Variants in DNAJC5B observed in about 807,000 individuals in gnomAD.
DNAJC5B encodes DnaJ heat shock protein family (Hsp40) member C5 beta, also known as dnaJ homolog subfamily C member 5B.
Under a neutral mutation model 24.7 loss-of-function variants are expected in DNAJC5B, and 23 were observed. The observed-to-expected ratio is 0.93, with a 90% CI of 0.67 to 1.32. DNAJC5B has a LOEUF of 1.32. Ranked by LOEUF, DNAJC5B falls within the 40% of genes most tolerant of loss-of-function variation. The pLI is 0.00. For synonymous variants in DNAJC5B, 101 were observed against 90.1 expected (o/e 1.12, Z -0.68); for missense variants, 238 against 240.8 (o/e 0.99, Z 0.08).
At chr8:66,072,580 CA>C (rs1244386813) in intron 3 of DNAJC5B, among the ~76,000 whole-genome samples, 3 of 151,918 alleles carry the variant, frequency 2.0e-5, no homozygotes, top group African/African-American at 7.3e-5. Flanking sequence ...TGTTAAAGAG[CA>C]AAATTTTTAA....
chr8:66,027,260 A>G (rs933766582), intron 1 of DNAJC5B, among the ~76,000 whole-genome samples: 3 of 152,242 alleles, frequency 2.0e-5, no homozygotes, highest in African/African-American at 7.2e-5. Context: ...TGATTTACAA[A>G]ACCAGCTTCC....
At chr8:66,045,917 T>C (rs1471375217) in intron 2 of DNAJC5B, among the ~76,000 whole-genome samples, 1 of 152,162 alleles carries the variant, frequency 6.6e-6, no homozygotes, top group Non-Finnish European at 1.5e-5. Context: ...CAGACATTGG[T>C]GTACCCAGTA....
chr8:66,053,136 C>T (rs1806887716), intron 3 of DNAJC5B, among the ~76,000 whole-genome samples: 1 of 151,610 alleles, frequency 6.6e-6, no homozygotes, highest in African/African-American at 2.4e-5. Flanking sequence ...TGGGATCTTG[C>T]TTTGTTTTCC....
intron 1 of DNAJC5B, among the ~76,000 whole-genome samples, chr8:66,027,252 A>G (rs1806265491): frequency 6.6e-6 from 1 of 152,202 alleles, no homozygotes; most frequent in Non-Finnish European, 1.5e-5. Flanking sequence ...AGATTCATTG[A>G]TTTACAAAAC....
At chr8:66,074,754 G>A (rs1444275280) in intron 3 of DNAJC5B, among the ~76,000 whole-genome samples, 2 of 152,166 alleles carry the variant, frequency 1.3e-5, no homozygotes, top group African/African-American at 2.4e-5. Flanking sequence ...GGCATTGCAC[G>A]ACCACCTCCT....
chr8:66,093,298 CT>C (rs1197864238), intron 5 of DNAJC5B, among the ~76,000 whole-genome samples: 1 of 152,134 alleles, frequency 6.6e-6, no homozygotes, highest in Non-Finnish European at 1.5e-5. Flanking sequence ...ACTTGTACAA[CT>C]TATTAGGTAA....
chr8:66,091,835 G>T (rs578203358), intron 5 of DNAJC5B, among the ~76,000 whole-genome samples: 1 of 152,264 alleles, frequency 6.6e-6, no homozygotes, highest in African/African-American at 2.4e-5. Context: ...CCGTAAAAAG[G>T]AATGAGGTAC....
chr8:66,076,993 A>T, intron 4 of DNAJC5B, 120 bp downstream of exon 4: 1 of 999,756 alleles, frequency 1.0e-6, no homozygotes. Context: ...AAATAAAAGG[A>T]GATATTGCTT....
chr8:66,023,175 G>C (rs1349139450), intron 1 of DNAJC5B, among the ~76,000 whole-genome samples: 3 of 152,138 alleles, frequency 2.0e-5, no homozygotes, highest in Non-Finnish European at 4.4e-5. Flanking sequence ...TTAGTGCTGG[G>C]GACTAAAGTT....
intron 2 of DNAJC5B, among the ~76,000 whole-genome samples, chr8:66,044,976 T>C (rs552035905): frequency 6.6e-6 from 1 of 152,314 alleles, no homozygotes; most frequent in Non-Finnish European, 1.5e-5. Context: ...AAGGAAGAGA[T>C]TTTATGTTAT....
intron 1 of DNAJC5B, among the ~76,000 whole-genome samples, chr8:66,028,136 A>T (rs547833355): frequency 6.6e-6 from 1 of 152,222 alleles, no homozygotes; most frequent in East Asian, 1.9e-4. Flanking sequence ...GCAGGTCAGC[A>T]CTGGGACTTG....
chr8:66,055,356 T>C (rs1739268967), intron 3 of DNAJC5B, among the ~76,000 whole-genome samples: 2 of 152,186 alleles, frequency 1.3e-5, no homozygotes, highest in African/African-American at 2.4e-5. Context: ...AGTCACAATA[T>C]AGTGAATTAA....
At chr8:66,016,307 G>A in the DNAJC5B span, among the ~76,000 whole-genome samples, 4 of 152,292 alleles carry the variant, frequency 2.6e-5, no homozygotes, top group Admixed American at 6.5e-5. Flanking sequence ...GGAGGGATCC[G>A]GTGGGAAGTG....
At chr8:66,067,717 C>G (rs117022097) in intron 3 of DNAJC5B, among the ~76,000 whole-genome samples, 6,361 of 152,256 alleles carry the variant, frequency 0.042, 183 homozygotes, top group Non-Finnish European at 0.062. Context: ...GTTCCCCAGA[C>G]AGCAGCCCTA....
At chr8:66,053,741 T>G (rs922233038) in intron 3 of DNAJC5B, among the ~76,000 whole-genome samples, 1 of 152,116 alleles carries the variant, frequency 6.6e-6, no homozygotes, top group African/African-American at 2.4e-5. Context: ...GCAATTCTCC[T>G]GCTTCGGTCT....
At chr8:66,091,953 T>TA (rs1807857804) in intron 5 of DNAJC5B, among the ~76,000 whole-genome samples, 1 of 152,114 alleles carries the variant, frequency 6.6e-6, no homozygotes, top group Admixed American at 6.5e-5. Flanking sequence ...ATATGAAATA[T>TA]TCAGAATAGG....
intron 5 of DNAJC5B, among the ~76,000 whole-genome samples, chr8:66,090,703 G>A (rs1190442536): frequency 2.0e-5 from 3 of 151,860 alleles, no homozygotes; most frequent in Admixed American, 2.0e-4. Flanking sequence ...CTCACTTTCG[G>A]CCAAGATATT....
At chr8:66,081,711 T>C (rs1240409906) in intron 5 of DNAJC5B, among the ~76,000 whole-genome samples, 1 of 152,064 alleles carries the variant, frequency 6.6e-6, no homozygotes. Context: ...CCCAGACTCT[T>C]TCAGGCTTGG....
At chr8:66,049,000 C>T (rs890617109) in intron 2 of DNAJC5B, among the ~76,000 whole-genome samples, 1 of 152,216 alleles carries the variant, frequency 6.6e-6, no homozygotes, top group African/African-American at 2.4e-5. Flanking sequence ...ATACTTGGTA[C>T]TTCTCTGACC....
Sources: allele counts gnomAD v4.1 joint callset (sites outside exome capture counted in the v4.1 genomes callset), GRCh38; gene constraint gnomAD v4.1.1; transcripts MANE v1.5; gene names NCBI Gene and HGNC (gene_info 2026-07-23, HGNC 2026-07-21).